The following GGPS1 variants were observed in gnomAD, a reference collection of about 807,000 sequenced individuals.
GGPS1 encodes the protein geranylgeranyl diphosphate synthase 1, also known as geranylgeranyl pyrophosphate synthase.
GGPS1 carries 15 observed loss-of-function variants against 28.1 expected under a neutral mutation model. The ratio of observed to expected loss-of-function variants is 0.53; its 90% CI spans 0.36 to 0.82. The LOEUF is 0.82. Among genes scored for constraint, GGPS1 ranks in the 40% least tolerant of loss-of-function variants. The pLI is 0.01. For synonymous variants in GGPS1, 138 were observed against 122.4 expected, an observed-to-expected ratio of 1.13 and a Z score of -0.84; for missense variants, 284 against 348.3, an observed-to-expected ratio of 0.82 and a Z score of 1.47.
intron 2 of GGPS1, among the ~76,000 whole-genome samples, chr1:235,340,138 CAAA>C (rs928261203): frequency 6.6e-6 from 1 of 151,232 alleles, no homozygotes; most frequent in Non-Finnish European, 1.5e-5. Flanking sequence ...GTCTCAAAAA[CAAA>C]AAACAAAAAG....
intron 1 of GGPS1, among the ~76,000 whole-genome samples, chr1:235,330,976 ATTC>A (rs1243867287): frequency 2.6e-5 from 4 of 152,326 alleles, no homozygotes; most frequent in Middle Eastern, 3.4e-3. Context: ...CTAAGCCATT[ATTC>A]TTCCTGTTTT....
rs1020314720 is a variant in GGPS1, at chr1:235,344,441, A to C, written c.*1669A>C. ...ATTGATGTTATAGTATGGAAAGTTG[A>C]ACTTTATGAACCCATACTTTTAAAA... On this transcript the variant is annotated 3_prime_UTR_variant, in exon 4 of 4. Coordinates refer to ENST00000282841, the MANE Select transcript of GGPS1 (RefSeq NM_004837.4). 2 of 167,024 alleles carry C rather than the reference A, an allele frequency of 1.2e-5. No individual in the cohort carries two copies. The highest frequency in any genetic ancestry group is 2.9e-5 in the Non-Finnish European group (2 of 68,112). The allele number at this position is 167,024 out of a possible 1,614,324, so 10.3% of individuals were successfully genotyped here.
intron 1 of GGPS1, among the ~76,000 whole-genome samples, chr1:235,331,311 G>A (rs1675708769): frequency 6.6e-6 from 1 of 152,066 alleles, no homozygotes; most frequent in Non-Finnish European, 1.5e-5. Flanking sequence ...ATATAGATAA[G>A]AACAGACTAC....
At chr1:235,340,322 T>G (rs1346533389) in intron 2 of GGPS1, among the ~76,000 whole-genome samples, 2 of 151,806 alleles carry the variant, frequency 1.3e-5, no homozygotes, top group Non-Finnish European at 2.9e-5. Flanking sequence ...AAACAAAAAT[T>G]AACCGGGCGT....
intron 1 of GGPS1, chr1:235,329,582 C>G (rs1311740962): frequency 6.6e-6 from 1 of 152,268 alleles, no homozygotes; most frequent in East Asian, 1.9e-4. Context: ...ACATTCCAGA[C>G]AAAAAGACTA....
Position 235,344,168 on chromosome 1 carries a change from A to C in GGPS1, c.*1396A>C, listed in dbSNP as rs1267061513. On this transcript the variant is annotated 3_prime_UTR_variant, in exon 4 of 4. Coordinates refer to ENST00000282841, the MANE Select transcript of GGPS1 (RefSeq NM_004837.4). ...AGGTAGGACAAAAAAAAAAAAAAAA[A>C]AAGCTGATTTCAATATTTGATTTGT... 1 of 166,794 alleles carries C rather than the reference A, an allele frequency of 6.0e-6. No homozygotes were observed. Among genetic ancestry groups the C allele is most frequent in the African/African-American group, 2.4e-5 (1 of 41,346 alleles). The allele number at this position is 166,794 out of a possible 1,614,324, so 10.3% of individuals were successfully genotyped here.
chr1:235,337,353 A>T (rs536494471), intron 2 of GGPS1, among the ~76,000 whole-genome samples: 1 of 152,244 alleles, frequency 6.6e-6, no homozygotes, highest in Non-Finnish European at 1.5e-5. Flanking sequence ...AATTCTCATT[A>T]CTTGGAAATA....
At chr1:235,335,399 C>G (rs2103343197) in intron 2 of GGPS1, 65 bp downstream of exon 2, 6 of 751,722 alleles carry the variant, frequency 8.0e-6, no homozygotes, top group Non-Finnish European at 1.1e-5. Context: ...CAAATGTTAG[C>G]AAATAGAAAA....
At chr1:235,335,386 G>T (rs767799955) in intron 2 of GGPS1, 52 bp downstream of exon 2, 3 of 809,124 alleles carry the variant, frequency 3.7e-6, no homozygotes, top group South Asian at 1.6e-5. Flanking sequence ...AGTAGTGGTC[G>T]TTCAAATGTT....
At chr1:235,340,242 G>A (rs2103348684) in intron 2 of GGPS1, among the ~76,000 whole-genome samples, 1 of 152,330 alleles carries the variant, frequency 6.6e-6, no homozygotes, top group South Asian at 2.1e-4. Flanking sequence ...GGAGGCTGTA[G>A]CGGCCGGATT....
chr1:235,338,395 G>A (rs556689839), intron 2 of GGPS1, among the ~76,000 whole-genome samples: 1 of 151,638 alleles, frequency 6.6e-6, no homozygotes, highest in Non-Finnish European at 1.5e-5. Flanking sequence ...AAAAAAAAAG[G>A]GGGGGAAACT....
intron 1 of GGPS1, chr1:235,329,605 G>A (rs1451276771): frequency 6.6e-6 from 1 of 151,720 alleles, no homozygotes; most frequent in Non-Finnish European, 1.5e-5. Context: ...TTGTCAGAAA[G>A]CCCTGTGGCG....
Position 235,342,885 on chromosome 1 carries a change from T to C in GGPS1, c.*113T>C. ...TTATTCTCCAGAAACAGTAAATAGG[T>C]GAGTAGGGGTGGTGCAAGTGAATTC... On this transcript the variant is annotated 3_prime_UTR_variant, in exon 4 of 4. Transcript: ENST00000282841. 1.5e-6 allele frequency: 1 copy of C among 652,948 alleles called. No homozygotes were observed. The highest frequency in any genetic ancestry group is 2.7e-5 in the East Asian group (1 of 36,418). The allele number at this position is 652,948 out of a possible 1,614,324, so 40.4% of individuals were successfully genotyped here. A position where few individuals can be genotyped will look rare whatever the true frequency, so the allele number is the denominator to read the frequency against.
At position 235,343,943 on chromosome 1, in the gene GGPS1, T is replaced by C. The variant is rs1012881676; in HGVS notation, c.*1171T>C. The C allele has an allele frequency of 6.0e-6, 1 of 166,888 alleles. No homozygotes were observed. Among genetic ancestry groups the C allele is most frequent in the Non-Finnish European group, 1.5e-5 (1 of 68,086 alleles). The allele number at this position is 166,888 out of a possible 1,614,324, so 10.3% of individuals were successfully genotyped here. A position where few individuals can be genotyped will look rare whatever the true frequency, so the allele number is the denominator to read the frequency against. On this transcript the variant is annotated 3_prime_UTR_variant, in exon 4 of 4. Coordinates refer to ENST00000282841, the MANE Select transcript of GGPS1 (RefSeq NM_004837.4). The stretch of plus-strand genomic sequence containing the variant: ...CATCACCACCCCGACTTGAAGACAG[T>C]AGGTGCTTGAATGGAAAGTGAGTAG...
At chr1:235,334,582 A>G (rs541606731) in intron 1 of GGPS1, among the ~76,000 whole-genome samples, 1 of 152,322 alleles carries the variant, frequency 6.6e-6, no homozygotes, top group South Asian at 2.1e-4. Flanking sequence ...CCCTGTACTC[A>G]TTAGCAATTA....
rs1484093458 is a variant in GGPS1, at chr1:235,342,316, G to A, written c.447G>A (p.Leu149=). ...PTEEEYKAMV[L]QKTGGLFGLA... ...AAGAAGAATATAAAGCTATGGTGCT[G>A]CAGAAAACAGGTGGACTGTTTGGAT... is the stretch of plus-strand genomic sequence containing the variant. The change falls in exon 4 of 4, where the codon CTG becomes CTA. Residue 149 remains leucine (L), a synonymous_variant. Transcript: ENST00000282841. The A allele has an allele frequency of 4.3e-6, 7 of 1,613,758 alleles. 1 individual carries two copies. Among genetic ancestry groups the A allele is most frequent in the Middle Eastern group, 1.6e-4 (1 of 6,062 alleles).
intron 2 of GGPS1, among the ~76,000 whole-genome samples, chr1:235,340,684 C>A (rs559834525): frequency 8.2e-6 from 1 of 121,804 alleles, no homozygotes; most frequent in Non-Finnish European, 1.6e-5. Flanking sequence ...TGCAGTGAGC[C>A]GAGATCGCGC....
intron 1 of GGPS1, chr1:235,330,205 C>T (rs1220013089): frequency 6.6e-6 from 1 of 152,222 alleles, no homozygotes; most frequent in Admixed American, 6.5e-5. Context: ...CACAAGGCGG[C>T]TGGGCGTGGT....
At chr1:235,335,215 G>C (rs1572269432) in intron 1 of GGPS1, 27 bp from the exon 2 acceptor site, 1 of 918,282 alleles carries the variant, frequency 1.1e-6, no homozygotes. Flanking sequence ...AGTTTCATGT[G>C]ATCTTTATGT....
Sources: allele counts gnomAD v4.1 joint callset (sites outside exome capture counted in the v4.1 genomes callset), GRCh38; gene constraint gnomAD v4.1.1; transcripts MANE v1.5; gene names NCBI Gene and HGNC (gene_info 2026-07-23, HGNC 2026-07-21).